The following BACE1 variants were observed in gnomAD, a reference collection of about 807,000 sequenced individuals.
The protein encoded by BACE1 is beta-secretase 1.
In BACE1, 21 loss-of-function variants were observed where a neutral mutation model predicts 54.0. The observed-to-expected ratio is 0.39, with a 90% confidence interval of 0.28 to 0.56. BACE1 has a LOEUF of 0.56. BACE1 is among the 20% of genes least tolerant of loss of function. The pLI is 0.63. For synonymous variants in BACE1, 232 were observed against 260.9 expected (o/e 0.89, Z 1.07); for missense variants, 511 against 661.2 (o/e 0.77, Z 2.49).
At chr11:117,299,006 A>G (rs1001931353) in intron 1 of BACE1, among the ~76,000 whole-genome samples, 6 of 152,118 alleles carry the variant, frequency 3.9e-5, no homozygotes, top group Admixed American at 1.3e-4. Flanking sequence ...AGGTTTCACC[A>G]CGTTGGCCAG....
At chr11:117,303,813 C>G (rs1235158118) in intron 1 of BACE1, among the ~76,000 whole-genome samples, 1 of 152,140 alleles carries the variant, frequency 6.6e-6, no homozygotes, top group Non-Finnish European at 1.5e-5. Flanking sequence ...GGGAAGACGC[C>G]TATATTCTTG....
rs750140317 is a variant in BACE1, at chr11:117,290,884, T to G, written c.1092+16A>C. On this transcript the variant is annotated intron_variant, in intron 7 of 8. Transcript: ENST00000313005. ...TACTTTTAAGAGAGATCCCCCTGAC[T>G]CAGGCTGGGACATACCTGCGGAAGG... is the stretch of plus-strand genomic sequence containing the variant. 30 of 1,612,126 alleles carry G rather than the reference T, an allele frequency of 1.9e-5. No individual in the cohort carries two copies. The African/African-American group carries it at 3.9e-4, about 21-fold the overall frequency.
chr11:117,290,599 T>C lies in BACE1; in HGVS notation c.1153A>G (p.Ile385Val), dbSNP rs1390713941. The change falls in exon 8 of 9, where the codon ATC becomes GTC. Residue 385 changes from isoleucine (I) to valine (V), a missense_variant. Around this residue, in one of 2 missense-constraint regions of BACE1, gnomAD observed 407 missense variants for 565.7 expected, o/e 0.72. Coordinates refer to ENST00000313005, the MANE Select transcript of BACE1 (RefSeq NM_012104.6). ...ACAGTGCCCGTGGATGACTGTGAGATGGCAAACTTGTAACAGTCGTCTTGG... is the reference window on the plus strand; with the variant it reads ...ACAGTGCCCGTGGATGACTGTGAGACGGCAAACTTGTAACAGTCGTCTTGG... Reference protein sequence around the residue: ...TSQDDCYKFAISQSSTGTVMG... With the variant: ...TSQDDCYKFAVSQSSTGTVMG... The C allele has an allele frequency of 1.2e-6, 2 of 1,614,242 alleles. No homozygotes were observed. Among genetic ancestry groups the C allele is most frequent in the East Asian group, 2.2e-5 (1 of 44,886 alleles).
intron 3 of BACE1, 150 bp from the exon 4 acceptor site, chr11:117,294,158 G>T: frequency 1.3e-6 from 1 of 750,668 alleles, no homozygotes; most frequent in Non-Finnish European, 2.1e-6. Flanking sequence ...CAGAGGAAGG[G>T]TTAGCAGGAG....
intron 1 of BACE1, among the ~76,000 whole-genome samples, chr11:117,300,009 C>T (rs1024808632): frequency 6.6e-6 from 1 of 151,924 alleles, no homozygotes; most frequent in Non-Finnish European, 1.5e-5. Context: ...GACCTGGGGG[C>T]TCCTGCTGTC....
At position 117,290,481 on chromosome 11, in the gene BACE1, C is replaced by T; in HGVS notation, c.1264+7G>A. On this transcript the variant is annotated splice_region_variant and intron_variant, in intron 8 of 8. Transcript: ENST00000313005. ...TGACCCCAAACCCTCAGCCCTGGCA[C>T]TCTCACCATGGCAAGCGCTGACAGC... The T allele has an allele frequency of 6.2e-7, 1 of 1,613,740 alleles. No homozygotes were observed. The highest frequency in any genetic ancestry group is 8.5e-7 in the Non-Finnish European group (1 of 1,179,758).
rs1417740562 is a variant in BACE1, at chr11:117,287,173, A to G, written c.*2393T>C. The G allele has an allele frequency of 6.6e-6, 1 of 152,174 alleles. No individual in the cohort carries two copies. The highest frequency in any genetic ancestry group is 1.5e-5 in the Non-Finnish European group (1 of 68,052). 9.4% of individuals were successfully genotyped at this position (152,174 alleles called of 1,614,324 possible). A position where few individuals can be genotyped will look rare whatever the true frequency, so the allele number is the denominator to read the frequency against. On this transcript the variant is annotated 3_prime_UTR_variant, in exon 9 of 9. Transcript: ENST00000313005. ...CTGGAAAGCCCACTCTTGCAGGAGG[A>G]TAAGTGTTTTGGAGAGTTGTGCATG...
chr11:117,303,908 A>G (rs889319016), intron 1 of BACE1, among the ~76,000 whole-genome samples: 8 of 152,200 alleles, frequency 5.3e-5, no homozygotes, highest in African/African-American at 1.9e-4. Context: ...TGAGTAAGCA[A>G]CTTCACCCAT....
At chr11:117,310,985 T>C (rs1191569551) in intron 1 of BACE1, among the ~76,000 whole-genome samples, 1 of 151,988 alleles carries the variant, frequency 6.6e-6, no homozygotes, top group Non-Finnish European at 1.5e-5. Context: ...CTTTTTTTTT[T>C]TTTTTCTTTT....
chr11:117,300,463 T>TG (rs565805164), intron 1 of BACE1, among the ~76,000 whole-genome samples: 196 of 151,294 alleles, frequency 1.3e-3, no homozygotes, highest in South Asian at 2.9e-3. Context: ...AGCGGGGGGA[T>TG]GGGGGGGGCT....
intron 6 of BACE1, 40 bp downstream of exon 6, chr11:117,291,666 TCTGACA>T: frequency 7.1e-7 from 1 of 1,401,454 alleles, no homozygotes; most frequent in Non-Finnish European, 1.0e-6. Flanking sequence ...ACCGCCTCCC[TCTGACA>T]CTGTACCATC....
At position 117,288,935 on chromosome 11, in the gene BACE1, T is replaced by C. The variant is rs1319509505; in HGVS notation, c.*631A>G. On this transcript the variant is annotated 3_prime_UTR_variant, in exon 9 of 9. Coordinates refer to ENST00000313005, the MANE Select transcript of BACE1 (RefSeq NM_012104.6). ...GGTTGTGTTTCTGCCTTTCCTAGCT[T>C]TGATCCCACTATTCCCTGTCTTTGT... The C allele has an allele frequency of 6.5e-6, 1 of 152,762 alleles. No homozygotes were observed. Among genetic ancestry groups the C allele is most frequent in the African/African-American group, 2.4e-5 (1 of 41,440 alleles). The allele number at this position is 152,762 out of a possible 1,614,324, so 9.5% of individuals were successfully genotyped here.
rs534512338 is a variant in BACE1 at position 117,315,672 on chromosome 11, G to A, written c.124C>T (p.Arg42Trp). 3 of 1,541,324 alleles carry A rather than the reference G, an allele frequency of 1.9e-6. No individual in the cohort carries two copies. The highest frequency in any genetic ancestry group is 5.2e-5 in the East Asian group (2 of 38,454). ...SGLGGAPLGL[R>W]LPRETDEEPE... is the part of the protein sequence containing the mutation. The stretch of plus-strand genomic sequence containing the variant: ...TCTTCGTCGGTCTCCCGGGGCAGCC[G>A]CAGCCCCAGGGGGGCGCCCCCCAGG... The change falls in exon 1 of 9, where the codon CGG becomes TGG. Residue 42 changes from arginine (R) to tryptophan (W), a missense_variant. Coordinates refer to ENST00000313005, the MANE Select transcript of BACE1 (RefSeq NM_012104.6). This position sits in a 1 kb window ranked among gnomAD's most constrained non-coding sequence, Gnocchi z 5.5.
In BACE1 at chr11:117,295,299, G is replaced by A; in HGVS notation, c.399C>T (p.Thr133=). Residue 133 remains threonine (T), a synonymous_variant, in exon 3 of 9, where the codon ACC becomes ACT. Coordinates refer to ENST00000313005, the MANE Select transcript of BACE1 (RefSeq NM_012104.6). ...CCAGCTCCCCTTCCCACTTGCCCTG[G>A]GTGTAGGGCACATACACACCCTTCC... ...DLRKGVYVPY[T]QGKWEGELGT... is the part of the protein sequence containing the mutation. The A allele has an allele frequency of 6.2e-7, 1 of 1,614,168 alleles. No individual in the cohort carries two copies. Among genetic ancestry groups the A allele is most frequent in the Admixed American group, 1.7e-5 (1 of 60,020 alleles).
Position 117,293,913 on chromosome 11 carries a change from G to A in BACE1, c.663C>T (p.Pro221=), listed in dbSNP as rs1471786089. The A allele has an allele frequency of 6.2e-7, 1 of 1,613,978 alleles. No individual in the cohort carries two copies. Among genetic ancestry groups the A allele is most frequent in the South Asian group, 1.1e-5 (1 of 91,062 alleles). Residue 221 remains proline, a synonymous_variant, in exon 4 of 9, where the codon CCC becomes CCT. Transcript: ENST00000313005. The surrounding 1 kb of genome is among the most constrained non-coding windows in gnomAD (Gnocchi z 4.1). ...FSLQLCGAGF[P]LNQSEVLASV... The stretch of plus-strand genomic sequence containing the variant: ...AGGCCAGCACTTCAGACTGGTTGAG[G>A]GGGAAGCCAGCACCACAAAGCTGCA...
chr11:117,291,147 TC>T, intron 6 of BACE1, 98 bp from the exon 7 acceptor site: 2 of 1,441,756 alleles, frequency 1.4e-6, no homozygotes, highest in Non-Finnish European at 1.9e-6. Context: ...CATTTGCTTT[TC>T]CAGTGAAATA....
Position 117,293,971 on chromosome 11 carries a change from A to T in BACE1, c.605T>A (p.Val202Glu), listed in dbSNP as rs1328057263. ...DSLEPFFDSL[V>E]KQTHVPNLFS... The stretch of plus-strand genomic sequence containing the variant: ...GAGGTTGGGAACGTGGGTCTGCTTT[A>T]CCAGAGAGTCAAAGAAAGGCTCCAG... Residue 202 changes from valine to glutamate, a missense_variant, in exon 4 of 9, where the codon GTA becomes GAA. Physicochemically the swap from Val to Glu is moderately radical, Grantham distance 121. This residue lies in a region of BACE1 where 407 missense variants were observed against 565.7 expected (regional missense o/e 0.72). Coordinates refer to ENST00000313005, the MANE Select transcript of BACE1 (RefSeq NM_012104.6). This position sits in a 1 kb window ranked among gnomAD's most constrained non-coding sequence, Gnocchi z 4.1. The T allele has an allele frequency of 6.2e-7, 1 of 1,614,064 alleles. No individual in the cohort carries two copies.
In BACE1 at chr11:117,293,134, T is replaced by C. The variant is rs1042085930; in HGVS notation, c.760A>G (p.Ile254Val). ...LYTGSLWYTP[I>V]RREWYYEVII... ...ACCTCATAATACCACTCCCGCCGGA[T>C]GGGTGTATACCAGAGACTGCCTGTG... The change falls in exon 5 of 9, where the codon ATC becomes GTC. Residue 254 changes from isoleucine (I) to valine (V), a missense_variant. Ile to Val is a conservative substitution (Grantham distance 29). Transcript: ENST00000313005. This position sits in a 1 kb window ranked among gnomAD's most constrained non-coding sequence, Gnocchi z 4.1. 3 of 1,613,960 alleles carry C rather than the reference T, an allele frequency of 1.9e-6. No individual in the cohort carries two copies. The highest frequency in any genetic ancestry group is 1.3e-5 in the African/African-American group (1 of 74,900).
chr11:117,292,012 A>G, intron 5 of BACE1, 199 bp from the exon 6 acceptor site: 1 of 427,584 alleles, frequency 2.3e-6, no homozygotes, highest in East Asian at 3.8e-5. Flanking sequence ...CACCTACCTC[A>G]AAGGGTTATT....
Sources: allele counts gnomAD v4.1 joint callset (sites outside exome capture counted in the v4.1 genomes callset), GRCh38; gene constraint gnomAD v4.1.1; regional missense constraint gnomAD v4.1.1; non-coding constraint Gnocchi (gnomAD v3.1); transcripts MANE v1.5; gene names NCBI Gene and HGNC (gene_info 2026-07-23, HGNC 2026-07-21).